Variants in PCCA observed in about 807,000 individuals in gnomAD.
PCCA encodes propionyl-CoA carboxylase subunit alpha.
Under a neutral mutation model 101.3 loss-of-function variants are expected in PCCA, and 74 were observed. That is an observed-to-expected ratio of 0.73 (90% CI 0.61 to 0.89). The LOEUF is 0.89. Among genes scored for constraint, PCCA ranks in the 40% least tolerant of loss-of-function variants. The probability of loss-of-function intolerance (pLI) is 0.00; values close to 1 mark genes in which losing one functional copy is unlikely to be tolerated. For missense variants in PCCA, 891 were observed against 907.0 expected, an observed-to-expected ratio of 0.98 and a Z score of 0.23; for synonymous variants, 294 against 313.6, an observed-to-expected ratio of 0.94 and a Z score of 0.66.
intron 6 of PCCA, among the ~76,000 whole-genome samples, chr13:100,159,455 T>C (rs2054226229): frequency 6.6e-6 from 1 of 152,052 alleles, no homozygotes; most frequent in Non-Finnish European, 1.5e-5. Flanking sequence ...ATGAATCCAA[T>C]CTGGTTCCCG....
intron 21 of PCCA, among the ~76,000 whole-genome samples, chr13:100,458,536 A>G (rs1334462669): frequency 6.6e-6 from 1 of 151,770 alleles, no homozygotes; most frequent in Non-Finnish European, 1.5e-5. Flanking sequence ...TCAGAAGGCT[A>G]AGGAGTAAAG....
intron 2 of PCCA, among the ~76,000 whole-genome samples, chr13:100,105,828 G>T: frequency 8.9e-6 from 1 of 112,210 alleles, no homozygotes; most frequent in African/African-American, 3.5e-5. Flanking sequence ...CTAGGCTAAA[G>T]GGCAAGATCC....
chr13:100,387,177 A>C (rs1344316603), intron 19 of PCCA, among the ~76,000 whole-genome samples: 2 of 152,218 alleles, frequency 1.3e-5, no homozygotes, highest in African/African-American at 2.4e-5. Context: ...GAGATCACTT[A>C]ATAGGCTCTG....
At chr13:100,327,388 A>G (rs921797584) in intron 16 of PCCA, among the ~76,000 whole-genome samples, 2 of 152,116 alleles carry the variant, frequency 1.3e-5, no homozygotes, top group Non-Finnish European at 1.5e-5. Context: ...TATCCTTGTT[A>G]TTTAATGTGT....
chr13:100,339,844 T>C (rs1387689348), intron 17 of PCCA, among the ~76,000 whole-genome samples: 1 of 152,218 alleles, frequency 6.6e-6, no homozygotes, highest in Admixed American at 6.5e-5. Flanking sequence ...GAGGAGCTTA[T>C]GCTTTTCCTG....
chr13:100,214,995 C>T (rs888542255), intron 7 of PCCA, among the ~76,000 whole-genome samples: 3 of 152,152 alleles, frequency 2.0e-5, no homozygotes, highest in Non-Finnish European at 2.9e-5. Flanking sequence ...GCTTAGCTCT[C>T]CAAACTGATA....
intron 19 of PCCA, among the ~76,000 whole-genome samples, chr13:100,416,604 C>T (rs1297197234): frequency 6.6e-6 from 1 of 151,824 alleles, no homozygotes; most frequent in Non-Finnish European, 1.5e-5. Flanking sequence ...ACGATCTCAG[C>T]TCACTGCAAC....
chr13:100,330,717 T>C (rs1311366337), intron 17 of PCCA, 46 bp downstream of exon 17: 2 of 1,115,238 alleles, frequency 1.8e-6, no homozygotes, highest in Non-Finnish European at 2.7e-6. Flanking sequence ...TTGTTATTTT[T>C]ATACTTTATT....
rs1050565560 is a variant in PCCA, at chr13:100,346,853, A to C, written c.1643+6594A>C. ...TTATGACTCACTAAAGGCTCAGATG[A>C]GGGTTAGCATTTTTTTAGTAATAAA... On this transcript the variant is annotated intron_variant, in intron 18 of 23. Transcript: ENST00000376285. Among the ~76,000 whole-genome samples the C allele has an allele frequency of 3.9e-5, 6 of 151,998 alleles. No individual in the cohort carries two copies. The South Asian group carries it at 6.2e-4, about 16-fold the overall frequency.
At position 100,268,722 on chromosome 13, in the gene PCCA, C is replaced by G; in HGVS notation, c.853C>G (p.Leu285Val). ...LGDKHGNALW[L>V]NERECSIQRR... ...TGATAAACATGGGAATGCTTTATGG[C>G]TTAATGAAAGAGAGTGCTCAATTCA... The change falls in exon 11 of 24, where the codon CTT (leucine) becomes GTT (valine). Residue 285 changes from leucine (L) to valine (V), a missense_variant. By Grantham distance (32) the Leu-to-Val change is conservative (BLOSUM62 1). Coordinates refer to ENST00000376285, the MANE Select transcript of PCCA (RefSeq NM_000282.4). The G allele has an allele frequency of 6.2e-7, 1 of 1,613,944 alleles. No individual in the cohort carries two copies. The highest frequency in any genetic ancestry group is 8.5e-7 in the Non-Finnish European group (1 of 1,179,850).
In PCCA at chr13:100,193,452, A is replaced by G. The variant is rs1298451742; in HGVS notation, c.469-15880A>G. Among the ~76,000 whole-genome samples the G allele has an allele frequency of 2.0e-5, 3 of 152,226 alleles. No homozygotes were observed. The East Asian group carries it at 5.8e-4, about 29-fold the overall frequency. Reference sequence around the variant, plus strand: ...TGAAGACTTTCTAACTTTGTAAACAAATTTGAATCTGATGACTGAAATGCT... The same window carrying G: ...TGAAGACTTTCTAACTTTGTAAACAGATTTGAATCTGATGACTGAAATGCT... On this transcript the variant is annotated intron_variant, in intron 6 of 23. Coordinates refer to ENST00000376285, the MANE Select transcript of PCCA (RefSeq NM_000282.4).
intron 8 of PCCA, among the ~76,000 whole-genome samples, chr13:100,254,353 TAAAC>T (rs1380107536): frequency 6.6e-6 from 1 of 152,164 alleles, no homozygotes; most frequent in East Asian, 1.9e-4. Context: ...AATACAAAAT[TAAAC>T]AAATACAGTA....
chr13:100,255,210 A>T (rs2061999031), intron 8 of PCCA, among the ~76,000 whole-genome samples: 1 of 152,176 alleles, frequency 6.6e-6, no homozygotes, highest in East Asian at 1.9e-4. Flanking sequence ...TAATGCTGTG[A>T]TGCCAGCAGC....
chr13:100,179,541 G>C (rs553707074), intron 6 of PCCA, among the ~76,000 whole-genome samples: 1 of 152,232 alleles, frequency 6.6e-6, no homozygotes, highest in East Asian at 1.9e-4. Context: ...TACTTGACTT[G>C]CTACCTATAG....
intron 7 of PCCA, among the ~76,000 whole-genome samples, chr13:100,211,172 C>T (rs983587742): frequency 6.6e-6 from 1 of 152,150 alleles, no homozygotes; most frequent in African/African-American, 2.4e-5. Context: ...ACATGATCTG[C>T]GTATCATAGT....
chr13:100,216,675 A>G (rs778732195), intron 7 of PCCA, among the ~76,000 whole-genome samples: 2 of 152,268 alleles, frequency 1.3e-5, no homozygotes, highest in Non-Finnish European at 2.9e-5. Flanking sequence ...AGGCACCAAA[A>G]GAAACCAAAA....
chr13:100,346,693 C>A (rs1422401226), intron 18 of PCCA, among the ~76,000 whole-genome samples: 1 of 152,102 alleles, frequency 6.6e-6, no homozygotes, highest in Non-Finnish European at 1.5e-5. Flanking sequence ...TACAGGGAAA[C>A]CTTTCATGAG....
chr13:100,412,226 G>C (rs556270184), intron 19 of PCCA, among the ~76,000 whole-genome samples: 1 of 152,184 alleles, frequency 6.6e-6, no homozygotes, highest in Admixed American at 6.5e-5. Flanking sequence ...TATTACTCCA[G>C]TATTGCCATC....
chr13:100,370,354 G>A (rs574639480), intron 19 of PCCA, among the ~76,000 whole-genome samples: 55 of 152,068 alleles, frequency 3.6e-4, no homozygotes, highest in African/African-American at 1.1e-3. Flanking sequence ...CAAAGTGCTG[G>A]GATCACAGGC....
Sources: gnomAD v4.1 joint callset for allele counts (sites outside exome capture counted in the v4.1 genomes callset) on GRCh38, gnomAD v4.1.1 for gene constraint, MANE v1.5 for transcripts, NCBI Gene and HGNC (gene_info 2026-07-23, HGNC 2026-07-21) for gene names.